FHIT: variants seen among roughly 807,000 people sequenced by gnomAD.
FHIT encodes the protein bis(5'-adenosyl)-triphosphatase.
In FHIT, 19 loss-of-function variants were observed where a neutral mutation model predicts 17.9. The ratio of observed to expected loss-of-function variants is 1.06; its 90% confidence interval spans 0.74 to 1.56. The LOEUF (loss-of-function observed/expected upper bound fraction) is 1.56. Ranked by LOEUF, FHIT falls within the 40% of genes most tolerant of loss-of-function variation. The pLI is 0.00. For synonymous variants in FHIT, 81 were observed against 69.7 expected (o/e 1.16, Z -0.81); for missense variants, 248 against 189.2 (o/e 1.31, Z -1.82).
At chr3:61,207,434 G>A (rs2039282575) in intron 1 of FHIT, among the ~76,000 whole-genome samples, 2 of 152,202 alleles carry the variant, frequency 1.3e-5, no homozygotes, top group South Asian at 4.1e-4. Flanking sequence ...ATTCAGCTGT[G>A]AATCCATCTG....
intron 5 of FHIT, among the ~76,000 whole-genome samples, chr3:60,355,275 C>A (rs1332750022): frequency 6.6e-6 from 1 of 152,178 alleles, no homozygotes; most frequent in African/African-American, 2.4e-5. Flanking sequence ...TCTAGCAATT[C>A]TTAGCTGTCA....
At chr3:60,687,079 T>C (rs993334727) in intron 4 of FHIT, among the ~76,000 whole-genome samples, 15 of 152,234 alleles carry the variant, frequency 9.9e-5, no homozygotes, top group Non-Finnish European at 2.1e-4. Flanking sequence ...GTGAAAGTAA[T>C]ATTTACAATG....
intron 3 of FHIT, among the ~76,000 whole-genome samples, chr3:60,882,143 C>T (rs1705010409): frequency 1.3e-5 from 2 of 151,944 alleles, no homozygotes; most frequent in Non-Finnish European, 2.9e-5. Flanking sequence ...CAAACAGAAA[C>T]AAATTCCTAG....
chr3:60,968,247 A>T (rs891340036), intron 3 of FHIT, among the ~76,000 whole-genome samples: 4 of 152,310 alleles, frequency 2.6e-5, no homozygotes, highest in African/African-American at 9.6e-5. Flanking sequence ...GAATGCATAA[A>T]CGTCACCTTG....
chr3:59,986,093 G>A (rs1296252580), intron 7 of FHIT, among the ~76,000 whole-genome samples: 6 of 151,898 alleles, frequency 4.0e-5, no homozygotes, highest in Non-Finnish European at 5.9e-5. Flanking sequence ...ATATTATAAC[G>A]GCAAAAAGAA....
chr3:59,958,729 A>G (rs569663530), intron 7 of FHIT, among the ~76,000 whole-genome samples: 53 of 152,160 alleles, frequency 3.5e-4, no homozygotes, highest in Non-Finnish European at 6.9e-4. Context: ...CTACTCTGAA[A>G]CAGATGTCAC....
intron 3 of FHIT, among the ~76,000 whole-genome samples, chr3:60,924,030 G>A (rs1378949175): frequency 5.9e-5 from 9 of 152,132 alleles, no homozygotes; most frequent in African/African-American, 1.9e-4. Context: ...TGCCATTGCC[G>A]AGGCTTGAGT....
intron 5 of FHIT, among the ~76,000 whole-genome samples, chr3:60,117,386 A>C (rs568831193): frequency 3.3e-5 from 5 of 152,142 alleles, no homozygotes; most frequent in Non-Finnish European, 5.9e-5. Context: ...CTGTATAGAA[A>C]AGAGGATTTA....
At chr3:61,250,544 T>C (rs1284133906) in intron 1 of FHIT, among the ~76,000 whole-genome samples, 3 of 152,170 alleles carry the variant, frequency 2.0e-5, no homozygotes, top group Non-Finnish European at 2.9e-5. Context: ...GTTTCCCAGA[T>C]AAGCGCTGTG....
intron 5 of FHIT, among the ~76,000 whole-genome samples, chr3:60,094,779 G>C (rs1703870610): frequency 6.6e-6 from 1 of 150,388 alleles, no homozygotes; most frequent in African/African-American, 2.5e-5. Flanking sequence ...AGGGAGGGAA[G>C]GGAAGGGAAC....
chr3:59,755,840 A>T (rs1701187663), intron 8 of FHIT, among the ~76,000 whole-genome samples: 1 of 110,370 alleles, frequency 9.1e-6, no homozygotes, highest in Non-Finnish European at 1.8e-5. Flanking sequence ...ACGTTATGAA[A>T]AACAGTGATG....
chr3:60,248,230 TC>T (rs997612861), intron 5 of FHIT, among the ~76,000 whole-genome samples: 1 of 152,164 alleles, frequency 6.6e-6, no homozygotes, highest in Non-Finnish European at 1.5e-5. Flanking sequence ...ACAAAAACCT[TC>T]AAAAGCTGAT....
chr3:60,347,167 C>T (rs1455194003), intron 5 of FHIT, among the ~76,000 whole-genome samples: 1 of 151,876 alleles, frequency 6.6e-6, no homozygotes, highest in East Asian at 1.9e-4. Flanking sequence ...TGCCTATCAG[C>T]AGAAAAGTAG....
chr3:60,805,146 T>C (rs575047983), intron 4 of FHIT, among the ~76,000 whole-genome samples: 2 of 152,318 alleles, frequency 1.3e-5, no homozygotes, highest in African/African-American at 4.8e-5. Flanking sequence ...TTAAGGACTT[T>C]CATAGTTGCT....
chr3:60,365,704 A>G (rs1700078819), intron 5 of FHIT, among the ~76,000 whole-genome samples: 1 of 152,210 alleles, frequency 6.6e-6, no homozygotes, highest in African/African-American at 2.4e-5. Context: ...ATGATTTAAC[A>G]TCAGTGTTAC....
At chr3:61,074,804 A>G (rs1575966264) in intron 2 of FHIT, among the ~76,000 whole-genome samples, 1 of 152,188 alleles carries the variant, frequency 6.6e-6, no homozygotes, top group South Asian at 2.1e-4. Context: ...TTAGAAAATG[A>G]AAAGGCTGTA....
At chr3:60,428,294 T>C (rs532049148) in intron 5 of FHIT, among the ~76,000 whole-genome samples, 30 of 152,248 alleles carry the variant, frequency 2.0e-4, no homozygotes, top group African/African-American at 7.2e-4. Context: ...GGCTATTGTA[T>C]TACATGTAAA....
At chr3:60,246,828 T>G (rs929635733) in intron 5 of FHIT, among the ~76,000 whole-genome samples, 2 of 152,170 alleles carry the variant, frequency 1.3e-5, no homozygotes, top group Non-Finnish European at 1.5e-5. Flanking sequence ...ATTCTTGACC[T>G]GCCAAATGTT....
At chr3:60,627,865 T>G (rs1427916130) in intron 4 of FHIT, among the ~76,000 whole-genome samples, 1 of 152,210 alleles carries the variant, frequency 6.6e-6, no homozygotes, top group Non-Finnish European at 1.5e-5. Context: ...TGAGTCTTCT[T>G]TCTTTCCTGC....
Sources: allele counts gnomAD v4.1 joint callset (sites outside exome capture counted in the v4.1 genomes callset), GRCh38; gene constraint gnomAD v4.1.1; transcripts MANE v1.5; gene names NCBI Gene and HGNC (gene_info 2026-07-23, HGNC 2026-07-21).